The following LARGE1 variants were observed in gnomAD, a reference collection of about 807,000 sequenced individuals.
The protein encoded by LARGE1 is LARGE xylosyl- and glucuronyltransferase 1.
Under a neutral mutation model 87.6 loss-of-function variants are expected in LARGE1, and 43 were observed. That is an observed-to-expected ratio of 0.49 (90% CI 0.38 to 0.63). LARGE1 has a LOEUF of 0.63. Ranked by LOEUF, LARGE1 falls within the 30% of genes least tolerant of loss-of-function variation. The probability of loss-of-function intolerance (pLI) is 0.00; values close to 1 mark genes in which losing one functional copy is unlikely to be tolerated. For missense variants in LARGE1, 802 were observed against 1,000.2 expected, an observed-to-expected ratio of 0.80 and a Z score of 2.67; for synonymous variants, 434 against 394.6, an observed-to-expected ratio of 1.10 and a Z score of -1.18.
chr22:33,860,577 A>G (rs1381599191), intron 1 of LARGE1, among the ~76,000 whole-genome samples: 1 of 152,158 alleles, frequency 6.6e-6, no homozygotes, highest in East Asian at 1.9e-4. Flanking sequence ...GGCCTGAGGA[A>G]AGCGACCCAG....
chr22:33,736,463 C>T (rs985317210), intron 2 of LARGE1, among the ~76,000 whole-genome samples: 1 of 152,182 alleles, frequency 6.6e-6, no homozygotes, highest in Non-Finnish European at 1.5e-5. Flanking sequence ...TCAAATCCAT[C>T]ACTCAATTTT....
the LARGE1 span, among the ~76,000 whole-genome samples, chr22:33,074,726 T>C: frequency 2.0e-5 from 3 of 152,058 alleles, no homozygotes; most frequent in East Asian, 5.8e-4. Flanking sequence ...AAAAAAATCA[T>C]AGTTCCATAA....
chr22:33,554,061 GAAC>G (rs2077606419), intron 6 of LARGE1, among the ~76,000 whole-genome samples: 1 of 152,162 alleles, frequency 6.6e-6, no homozygotes, highest in Admixed American at 6.5e-5. Context: ...AGGCAGCAGT[GAAC>G]ATCATTCACT....
intron 10 of LARGE1, among the ~76,000 whole-genome samples, chr22:33,317,686 C>T (rs1295788628): frequency 1.3e-5 from 2 of 152,200 alleles, no homozygotes; most frequent in African/African-American, 2.4e-5. Context: ...CCAACAGACA[C>T]GGTCTCATGT....
chr22:33,128,601 G>A, the LARGE1 span, among the ~76,000 whole-genome samples: 1 of 150,506 alleles, frequency 6.6e-6, no homozygotes, highest in Admixed American at 6.7e-5. Context: ...CTTGAACCCA[G>A]AAGTGGAGGG....
intron 11 of LARGE1, among the ~76,000 whole-genome samples, chr22:33,176,154 CA>C (rs1321471373): frequency 2.6e-5 from 4 of 152,102 alleles, no homozygotes; most frequent in African/African-American, 9.7e-5. Context: ...AAAACTAACT[CA>C]AGATGGATGA....
chr22:33,366,097 A>C (rs2064579976), intron 9 of LARGE1, among the ~76,000 whole-genome samples: 1 of 152,220 alleles, frequency 6.6e-6, no homozygotes, highest in Non-Finnish European at 1.5e-5. Flanking sequence ...TTGGCCCTTC[A>C]CTTTCTAAGT....
chr22:33,789,646 C>T (rs937286407), intron 1 of LARGE1, among the ~76,000 whole-genome samples: 14 of 152,212 alleles, frequency 9.2e-5, no homozygotes, highest in Non-Finnish European at 1.5e-5. Context: ...GGGAGCCCAC[C>T]TCTTGCATCA....
At chr22:33,575,161 C>T (rs1333588536) in intron 5 of LARGE1, among the ~76,000 whole-genome samples, 1 of 152,112 alleles carries the variant, frequency 6.6e-6, no homozygotes, top group African/African-American at 2.4e-5. Flanking sequence ...TAAGAAACAC[C>T]AAGTTAGGAG....
the LARGE1 span, among the ~76,000 whole-genome samples, chr22:33,136,934 T>TCAAAAA: frequency 8.1e-3 from 1,196 of 147,892 alleles, 20 homozygotes; most frequent in African/African-American, 0.027. Context: ...AATATTAAGG[T>TCAAAAA]AAAAAAAAAA....
At chr22:33,154,169 G>GA in the LARGE1 span, among the ~76,000 whole-genome samples, 17,766 of 139,582 alleles carry the variant, frequency 0.13, 1,650 homozygotes, top group African/African-American at 0.28. Flanking sequence ...TTGTTATATG[G>GA]AAAAAAAAAA....
chr22:33,330,801 C>A (rs772697047), intron 10 of LARGE1, among the ~76,000 whole-genome samples: 12 of 152,204 alleles, frequency 7.9e-5, no homozygotes, highest in Non-Finnish European at 1.6e-4. Flanking sequence ...CTCTGCCCCT[C>A]ACATCTTGGC....
chr22:33,347,787 G>A (rs1222283993), intron 9 of LARGE1, among the ~76,000 whole-genome samples: 1 of 152,144 alleles, frequency 6.6e-6, no homozygotes, highest in Non-Finnish European at 1.5e-5. Flanking sequence ...TAGAAGGGGT[G>A]TTTGAACCTA....
intron 11 of LARGE1, among the ~76,000 whole-genome samples, chr22:33,266,888 T>C (rs1284224285): frequency 1.3e-5 from 2 of 151,632 alleles, no homozygotes; most frequent in African/African-American, 2.4e-5. Context: ...AGAGTTTGAT[T>C]TGTGGCTTCA....
the LARGE1 span, among the ~76,000 whole-genome samples, chr22:33,130,826 A>G: frequency 1.2e-4 from 19 of 152,116 alleles, no homozygotes; most frequent in South Asian, 3.7e-3. Context: ...CAGGCAGATT[A>G]CGAGGTCAGG....
chr22:33,907,367 C>T (rs561149426), intron 1 of LARGE1, among the ~76,000 whole-genome samples: 2 of 152,318 alleles, frequency 1.3e-5, no homozygotes, highest in South Asian at 4.1e-4. Context: ...TGCTAAGCTC[C>T]TGTACAAATT....
chr22:33,828,887 T>C (rs1363979273), intron 1 of LARGE1, among the ~76,000 whole-genome samples: 1 of 152,212 alleles, frequency 6.6e-6, no homozygotes, highest in Non-Finnish European at 1.5e-5. Flanking sequence ...GTCCGTGTAC[T>C]TGCTATTCCC....
At chr22:33,555,441 G>A (rs1051133919) in intron 6 of LARGE1, among the ~76,000 whole-genome samples, 1 of 152,148 alleles carries the variant, frequency 6.6e-6, no homozygotes, top group Admixed American at 6.5e-5. Context: ...GAGAAAAATG[G>A]GATGGTGTCT....
chr22:33,752,102 T>C (rs2084340829), intron 2 of LARGE1, among the ~76,000 whole-genome samples: 1 of 152,198 alleles, frequency 6.6e-6, no homozygotes, highest in Admixed American at 6.5e-5. Context: ...CATTTTAGTG[T>C]TCATGAACAT....
Sources: gnomAD v4.1 joint callset for allele counts (sites outside exome capture counted in the v4.1 genomes callset) on GRCh38, gnomAD v4.1.1 for gene constraint, MANE v1.5 for transcripts, NCBI Gene and HGNC (gene_info 2026-07-23, HGNC 2026-07-21) for gene names.